The following CDK5RAP2 variants were observed in gnomAD, a reference collection of about 807,000 sequenced individuals.
The protein encoded by CDK5RAP2 is CDK5 regulatory subunit-associated protein 2.
A neutral mutation model predicts 232.9 loss-of-function variants in CDK5RAP2; 147 were observed. The observed-to-expected ratio is 0.63, with a 90% CI of 0.55 to 0.72. CDK5RAP2 has a LOEUF of 0.72. Ranked by LOEUF, CDK5RAP2 falls within the 30% of genes least tolerant of loss-of-function variation. The pLI is 0.00. For synonymous variants in CDK5RAP2, 833 were observed against 833.7 expected, an observed-to-expected ratio of 1.00 and a Z score of 0.01; for missense variants, 2,195 against 2,231.5, an observed-to-expected ratio of 0.98 and a Z score of 0.33.
At chr9:120,427,996 C>T (rs2035027516) in intron 25 of CDK5RAP2, among the ~76,000 whole-genome samples, 1 of 152,174 alleles carries the variant, frequency 6.6e-6, no homozygotes, top group African/African-American at 2.4e-5. Flanking sequence ...CAACCTGCTC[C>T]TGAATGACTA....
At position 120,439,943 on chromosome 9, in the gene CDK5RAP2, C is replaced by T. The variant is rs767061624; in HGVS notation, c.3178G>A (p.Ala1060Thr). 3.1e-6 allele frequency: 5 copies of T among 1,614,014 alleles called. No individual in the cohort carries two copies. The East Asian group carries it at 1.1e-4, about 36-fold the overall frequency. Reference protein sequence around the residue: ...DSEICPPDDLASLPSCKENPE... With the variant: ...DSEICPPDDLTSLPSCKENPE... ...TTTTCTTTGCATGATGGCAAGCTGG[C>T]AAGGTCATCAGGTGGGCAAATCTCA... The change falls in exon 24 of 38, where the codon GCC becomes ACC. Residue 1060 changes from alanine to threonine, a missense_variant. Physicochemically the swap from Ala to Thr is moderately conservative, Grantham distance 58. Coordinates refer to ENST00000349780, the MANE Select transcript of CDK5RAP2 (RefSeq NM_018249.6).
At chr9:120,450,385 T>G (rs2036418442) in intron 21 of CDK5RAP2, among the ~76,000 whole-genome samples, 1 of 152,202 alleles carries the variant, frequency 6.6e-6, no homozygotes, top group African/African-American at 2.4e-5. Context: ...GAAATGACTG[T>G]TAATGAGTAC....
intron 12 of CDK5RAP2, among the ~76,000 whole-genome samples, chr9:120,515,812 C>A (rs900254027): frequency 6.6e-6 from 1 of 152,184 alleles, no homozygotes; most frequent in Non-Finnish European, 1.5e-5. Context: ...ATCAAAACCA[C>A]AATGAGATAC....
At chr9:120,577,479 T>C (rs906802947) in intron 1 of CDK5RAP2, among the ~76,000 whole-genome samples, 2 of 151,960 alleles carry the variant, frequency 1.3e-5, no homozygotes, top group Non-Finnish European at 2.9e-5. Context: ...TTTTGCAAGA[T>C]GGAGAGTTAC....
At chr9:120,531,787 G>C (rs60835764) in intron 7 of CDK5RAP2, among the ~76,000 whole-genome samples, 11 of 152,274 alleles carry the variant, frequency 7.2e-5, no homozygotes, top group African/African-American at 2.6e-4. Context: ...TAAAGAGGGA[G>C]ACAAAGGTAA....
intron 36 of CDK5RAP2, among the ~76,000 whole-genome samples, chr9:120,391,614 A>G (rs745513481): frequency 6.6e-5 from 10 of 152,212 alleles, no homozygotes; most frequent in Non-Finnish European, 1.3e-4. Context: ...AGCTGGTTCC[A>G]GGTCACATGG....
intron 27 of CDK5RAP2, among the ~76,000 whole-genome samples, chr9:120,418,587 C>A (rs896621555): frequency 6.6e-6 from 1 of 152,104 alleles, no homozygotes; most frequent in Admixed American, 6.5e-5. Context: ...GGAAACAATT[C>A]GTGGTGTGAC....
At chr9:120,536,721 T>C (rs1406601362) in intron 6 of CDK5RAP2, 195 bp from the exon 7 acceptor site, 1 of 671,216 alleles carries the variant, frequency 1.5e-6, no homozygotes, top group Non-Finnish European at 2.7e-6. Flanking sequence ...TCCTGAAGCA[T>C]AACAGGCATT....
chr9:120,501,989 A>G (rs62577977), intron 12 of CDK5RAP2, among the ~76,000 whole-genome samples: 20,603 of 152,200 alleles, frequency 0.14, 1,512 homozygotes, highest in Non-Finnish European at 0.16. Context: ...ACAGGCTGAG[A>G]CAGGTAATTT....
intron 12 of CDK5RAP2, among the ~76,000 whole-genome samples, chr9:120,503,171 C>G (rs2039655041): frequency 6.6e-6 from 1 of 152,172 alleles, no homozygotes; most frequent in South Asian, 2.1e-4. Context: ...CATAGGCTTC[C>G]ACTAGCCAAT....
rs149748012 is a variant in CDK5RAP2 at position 120,526,226 on chromosome 9, C to A, written c.1000-1148G>T. On this transcript the variant is annotated intron_variant, in intron 10 of 37. Coordinates refer to ENST00000349780, the MANE Select transcript of CDK5RAP2 (RefSeq NM_018249.6). The stretch of plus-strand genomic sequence containing the variant: ...GACTGAGCTCTCTCCAAACTTTAGG[C>A]ATGCATGTCATCTGCCTCCTGGACA... Among the ~76,000 whole-genome samples the A allele has an allele frequency of 3.5e-3, 536 of 152,320 alleles. 3 individuals are homozygous for A. Among genetic ancestry groups the A allele is most frequent in the African/African-American group, 0.012 (493 of 41,564 alleles).
chr9:120,552,697 G>A (rs958962565), intron 3 of CDK5RAP2, among the ~76,000 whole-genome samples: 2 of 111,428 alleles, frequency 1.8e-5, no homozygotes, highest in Non-Finnish European at 3.5e-5. Context: ...CTGTTGTGGG[G>A]TGGGGGGAGG....
chr9:120,514,466 A>C (rs2040234600), intron 12 of CDK5RAP2, among the ~76,000 whole-genome samples: 1 of 152,214 alleles, frequency 6.6e-6, no homozygotes, highest in Non-Finnish European at 1.5e-5. Flanking sequence ...CCTGACAAGA[A>C]ACCAGCCAGG....
intron 35 of CDK5RAP2, among the ~76,000 whole-genome samples, chr9:120,399,013 A>C (rs1564166880): frequency 6.6e-6 from 1 of 152,204 alleles, no homozygotes; most frequent in Non-Finnish European, 1.5e-5. Flanking sequence ...AACACTACAC[A>C]GGGGGTATGT....
rs587783382 is a variant in CDK5RAP2, at chr9:120,491,356, A to G, written c.1433T>C (p.Val478Ala). Reference protein sequence around the residue: ...SNKKLHNQEQVIKHLTESTNQ... With the variant: ...SNKKLHNQEQAIKHLTESTNQ... ...GGTACTTTCTGTTAGATGTTTGATC[A>G]CTTGCTCTTGATTGTGCAATTTTTT... Residue 478 changes from valine to alanine, a missense_variant, in exon 13 of 38, where the codon GTG becomes GCG. Val to Ala is a moderately conservative substitution (Grantham distance 64). Coordinates refer to ENST00000349780, the MANE Select transcript of CDK5RAP2 (RefSeq NM_018249.6). The G allele has an allele frequency of 8.1e-6, 13 of 1,613,424 alleles. No individual in the cohort carries two copies. In the Admixed American group the frequency reaches 2.0e-4, roughly 25 times the overall value.
At position 120,539,116 on chromosome 9, in the gene CDK5RAP2, C is replaced by T. The variant is rs1294025170; in HGVS notation, c.432G>A (p.Arg144=). The change falls in exon 6 of 38, where the codon CGG becomes CGA. Residue 144 remains arginine, a synonymous_variant. Coordinates refer to ENST00000349780, the MANE Select transcript of CDK5RAP2 (RefSeq NM_018249.6). ...LAEAGGSEIQ[R]VKEDARKKVQ... ...CCTTCTTTCGAGCATCTTCTTTCAC[C>T]CGCTGGATTTCAGAGCCACCTGCTT... 5 of 1,613,894 alleles carry T rather than the reference C, an allele frequency of 3.1e-6. No homozygotes were observed. The highest frequency in any genetic ancestry group is 3.3e-5 in the Admixed American group (2 of 59,994).
intron 14 of CDK5RAP2, among the ~76,000 whole-genome samples, chr9:120,482,421 A>G (rs558942212): frequency 3.7e-4 from 56 of 151,738 alleles, no homozygotes; most frequent in African/African-American, 1.1e-3. Flanking sequence ...CCTTCCTCCT[A>G]CCCTTCCAAC....
chr9:120,508,834 T>C (rs1171944748), intron 12 of CDK5RAP2, among the ~76,000 whole-genome samples: 1 of 152,258 alleles, frequency 6.6e-6, no homozygotes, highest in East Asian at 1.9e-4. Flanking sequence ...TCAGGACTTA[T>C]CATGCTATAT....
At chr9:120,462,146 T>G (rs2037126490) in intron 18 of CDK5RAP2, among the ~76,000 whole-genome samples, 1 of 152,116 alleles carries the variant, frequency 6.6e-6, no homozygotes, top group African/African-American at 2.4e-5. Context: ...GCAATCAGGA[T>G]CAAACAGAAG....
Sources: allele counts gnomAD v4.1 joint callset (sites outside exome capture counted in the v4.1 genomes callset), GRCh38; gene constraint gnomAD v4.1.1; transcripts MANE v1.5; gene names NCBI Gene and HGNC (gene_info 2026-07-23, HGNC 2026-07-21).